Variants in SAMD12 observed in about 807,000 individuals in gnomAD.
SAMD12 encodes the protein sterile alpha motif domain containing 12.
SAMD12 carries 9 observed loss-of-function variants against 15.0 expected under a neutral mutation model. That is an observed-to-expected ratio of 0.60 (90% CI 0.36 to 1.05). SAMD12 has a LOEUF of 1.05. Ranked by LOEUF, SAMD12 falls within the 50% of genes least tolerant of loss-of-function variation. The probability of loss-of-function intolerance (pLI) is 0.01; values close to 1 mark genes in which losing one functional copy is unlikely to be tolerated. For synonymous variants in SAMD12, 86 were observed against 90.1 expected (o/e 0.96, Z 0.25); for missense variants, 230 against 234.2 (o/e 0.98, Z 0.12).
chr8:118,306,886 C>T (rs145080457), intron 4 of SAMD12, among the ~76,000 whole-genome samples: 3 of 152,272 alleles, frequency 2.0e-5, no homozygotes, highest in Admixed American at 6.5e-5. Context: ...TTAGAATTGA[C>T]GTATCCTCAT....
the SAMD12 span, among the ~76,000 whole-genome samples, chr8:118,156,968 G>T: frequency 6.6e-6 from 1 of 152,138 alleles, no homozygotes; most frequent in South Asian, 2.1e-4. Flanking sequence ...AAATTAGAAG[G>T]GTTGGATATT....
intron 2 of SAMD12, among the ~76,000 whole-genome samples, chr8:118,508,440 TTTC>T (rs529589078): frequency 2.8e-5 from 4 of 145,188 alleles, no homozygotes; most frequent in Admixed American, 2.7e-4. Flanking sequence ...TTCTCACAAG[TTTC>T]TTTTTTGTTT....
intron 2 of SAMD12, among the ~76,000 whole-genome samples, chr8:118,548,388 C>T (rs1229188079): frequency 4.6e-4 from 17 of 36,758 alleles, no homozygotes; most frequent in African/African-American, 1.7e-3. Context: ...CACACATACA[C>T]ACACACACAC....
intron 2 of SAMD12, among the ~76,000 whole-genome samples, chr8:118,556,862 G>T (rs1472668616): frequency 2.0e-5 from 3 of 152,062 alleles, no homozygotes; most frequent in African/African-American, 7.2e-5. Context: ...TACTTGGGAG[G>T]ATGAGGCAGG....
intron 4 of SAMD12, among the ~76,000 whole-genome samples, chr8:118,339,029 TAAAG>T (rs1210979623): frequency 2.0e-5 from 3 of 152,006 alleles, no homozygotes; most frequent in South Asian, 4.2e-4. Context: ...AACAACCTCA[TAAAG>T]AAAGAAAGGG....
At chr8:118,162,814 A>G in the SAMD12 span, among the ~76,000 whole-genome samples, 2 of 152,212 alleles carry the variant, frequency 1.3e-5, no homozygotes, top group Non-Finnish European at 2.9e-5. Context: ...AGAATTGAGC[A>G]TAGCCACAAA....
the SAMD12 span, among the ~76,000 whole-genome samples, chr8:118,158,521 G>A: frequency 2.6e-5 from 4 of 152,228 alleles, no homozygotes; most frequent in Non-Finnish European, 5.9e-5. Flanking sequence ...GCCTGCAGGT[G>A]CCCCTTTGCA....
At chr8:118,611,735 T>C (rs745904453) in intron 1 of SAMD12, among the ~76,000 whole-genome samples, 3 of 152,222 alleles carry the variant, frequency 2.0e-5, no homozygotes, top group Non-Finnish European at 4.4e-5. Context: ...AGGGCAACTG[T>C]TTGTCTAGGA....
chr8:118,384,293 G>T (rs1339986594), intron 3 of SAMD12, among the ~76,000 whole-genome samples: 2 of 152,146 alleles, frequency 1.3e-5, no homozygotes, highest in Non-Finnish European at 2.9e-5. Context: ...TCTGAATATG[G>T]AAAGTTTTGA....
chr8:118,482,474 T>A lies in SAMD12; in HGVS notation c.193-42513A>T, dbSNP rs559424285. ...TTGGACGGGAAATATATATTTTTTT[T>A]AAATTGTGTCTGTACTAAGTATGTA... is the stretch of plus-strand genomic sequence containing the variant. On this transcript the variant is annotated intron_variant, in intron 2 of 3. Coordinates refer to ENST00000314727, the MANE Select transcript of SAMD12 (RefSeq NM_207506.3). Among the ~76,000 whole-genome samples the A allele has an allele frequency of 5.7e-3, 874 of 152,128 alleles. 4 individuals carry two copies. Among genetic ancestry groups the A allele is most frequent in the Non-Finnish European group, 8.8e-3 (597 of 67,970 alleles).
chr8:118,276,872 CA>C (rs1460869244), intron 4 of SAMD12, among the ~76,000 whole-genome samples: 1 of 152,224 alleles, frequency 6.6e-6, no homozygotes, highest in East Asian at 1.9e-4. Context: ...AGGGTTTCGC[CA>C]TGTTGACCAG....
chr8:118,610,441 G>T (rs915313141), intron 1 of SAMD12, among the ~76,000 whole-genome samples: 1 of 152,140 alleles, frequency 6.6e-6, no homozygotes, highest in African/African-American at 2.4e-5. Context: ...GGCAGACATC[G>T]CTACAAAGCC....
At chr8:118,465,801 C>G (rs1823578579) in intron 2 of SAMD12, among the ~76,000 whole-genome samples, 1 of 152,042 alleles carries the variant, frequency 6.6e-6, no homozygotes, top group Non-Finnish European at 1.5e-5. Flanking sequence ...TACACAGGAC[C>G]AAGGACATTC....
At chr8:118,475,212 C>T (rs1438902985) in intron 2 of SAMD12, among the ~76,000 whole-genome samples, 1 of 152,156 alleles carries the variant, frequency 6.6e-6, no homozygotes, top group African/African-American at 2.4e-5. Context: ...GCACTCCAGC[C>T]TGGGTGACAG....
intron 2 of SAMD12, among the ~76,000 whole-genome samples, chr8:118,542,743 G>C (rs1231487011): frequency 6.6e-6 from 1 of 152,210 alleles, no homozygotes; most frequent in African/African-American, 2.4e-5. Flanking sequence ...TTAACAAAAT[G>C]CATTTTATTT....
chr8:118,278,888 A>G (rs1057136730), intron 4 of SAMD12, among the ~76,000 whole-genome samples: 1 of 152,196 alleles, frequency 6.6e-6, no homozygotes, highest in Admixed American at 6.6e-5. Context: ...AGTGGCTCAT[A>G]TAAGATGTTG....
At chr8:118,498,950 C>T (rs1824702837) in intron 2 of SAMD12, among the ~76,000 whole-genome samples, 1 of 152,146 alleles carries the variant, frequency 6.6e-6, no homozygotes, top group Non-Finnish European at 1.5e-5. Flanking sequence ...ACTTTACACC[C>T]CCTGCACTCT....
At chr8:118,489,065 G>C (rs1402231083) in intron 2 of SAMD12, among the ~76,000 whole-genome samples, 1 of 152,088 alleles carries the variant, frequency 6.6e-6, no homozygotes, top group South Asian at 2.1e-4. Flanking sequence ...GGAGGTTGTG[G>C]TATCTCTTTC....
chr8:118,370,892 T>C (rs1292966177), intron 4 of SAMD12, among the ~76,000 whole-genome samples: 1 of 152,046 alleles, frequency 6.6e-6, no homozygotes, highest in Non-Finnish European at 1.5e-5. Flanking sequence ...TGGTACACGT[T>C]TACCTATGTA....
Sources: gnomAD v4.1 joint callset for allele counts (sites outside exome capture counted in the v4.1 genomes callset) on GRCh38, gnomAD v4.1.1 for gene constraint, MANE v1.5 for transcripts, NCBI Gene and HGNC (gene_info 2026-07-23, HGNC 2026-07-21) for gene names.